Variants in TBC1D4 observed in about 807,000 individuals in gnomAD.
TBC1D4 encodes the protein TBC1 domain family member 4.
Under a neutral mutation model 142.5 loss-of-function variants are expected in TBC1D4, and 121 were observed. That is an observed-to-expected ratio of 0.85 (90% confidence interval 0.73 to 0.99). The LOEUF is 0.99. TBC1D4 is among the 50% of genes least tolerant of loss of function. The pLI is 0.00. For missense variants in TBC1D4, 1,475 were observed against 1,606.6 expected, an observed-to-expected ratio of 0.92 and a Z score of 1.40; for synonymous variants, 630 against 628.2, an observed-to-expected ratio of 1.00 and a Z score of -0.04.
chr13:75,459,396 C>T (rs1726733284), intron 1 of TBC1D4, among the ~76,000 whole-genome samples: 1 of 152,072 alleles, frequency 6.6e-6, no homozygotes, highest in South Asian at 2.1e-4. Context: ...TGTATGGCTC[C>T]CTCATAAATG....
intron 1 of TBC1D4, among the ~76,000 whole-genome samples, chr13:75,406,158 T>C (rs1236157091): frequency 6.6e-6 from 1 of 152,240 alleles, no homozygotes; most frequent in Non-Finnish European, 1.5e-5. Context: ...CTTTGTTTTT[T>C]AACAAGCTGA....
At chr13:75,460,668 C>A (rs1457097177) in intron 1 of TBC1D4, among the ~76,000 whole-genome samples, 1 of 152,118 alleles carries the variant, frequency 6.6e-6, no homozygotes, top group Non-Finnish European at 1.5e-5. Context: ...CGTCTGTAAT[C>A]CCAGCACTTT....
chr13:75,441,351 A>G (rs994471193), intron 1 of TBC1D4, among the ~76,000 whole-genome samples: 2 of 152,216 alleles, frequency 1.3e-5, no homozygotes, highest in African/African-American at 2.4e-5. Context: ...AATGTTTACA[A>G]TGTAAGCAGC....
At chr13:75,386,479 C>T (rs577142648) in intron 1 of TBC1D4, among the ~76,000 whole-genome samples, 3 of 149,276 alleles carry the variant, frequency 2.0e-5, no homozygotes, top group African/African-American at 7.5e-5. Context: ...AGCTCCGCCT[C>T]TTGGGTCCAC....
chr13:75,413,424 T>G (rs1033329958), intron 1 of TBC1D4, among the ~76,000 whole-genome samples: 3 of 152,206 alleles, frequency 2.0e-5, no homozygotes, highest in African/African-American at 7.2e-5. Context: ...TCTCCCAAAG[T>G]GCTGGGATTA....
intron 1 of TBC1D4, among the ~76,000 whole-genome samples, chr13:75,384,593 A>G (rs1390299572): frequency 6.6e-6 from 1 of 151,770 alleles, no homozygotes; most frequent in African/African-American, 2.4e-5. Context: ...AAAAAAAAAA[A>G]AGGTTGCCAC....
At chr13:75,352,185 T>G (rs58054899) in intron 4 of TBC1D4, among the ~76,000 whole-genome samples, 3,372 of 152,292 alleles carry the variant, frequency 0.022, 135 homozygotes, top group African/African-American at 0.077. Context: ...ACCTGCTATC[T>G]TCCCACTTTG....
At chr13:75,435,671 G>A (rs753858342) in intron 1 of TBC1D4, among the ~76,000 whole-genome samples, 6 of 152,176 alleles carry the variant, frequency 3.9e-5, no homozygotes, top group Non-Finnish European at 7.3e-5. Flanking sequence ...GTGTCCTGGT[G>A]TGGGTTTCTA....
At chr13:75,344,100 C>T (rs1241487850) in intron 5 of TBC1D4, among the ~76,000 whole-genome samples, 1 of 152,104 alleles carries the variant, frequency 6.6e-6, no homozygotes, top group African/African-American at 2.4e-5. Context: ...CCACCTGCCT[C>T]GGCCTCCCAA....
At chr13:75,323,114 T>C (rs1031265355) in intron 11 of TBC1D4, among the ~76,000 whole-genome samples, 6 of 152,148 alleles carry the variant, frequency 3.9e-5, no homozygotes, top group Admixed American at 2.6e-4. Flanking sequence ...GCTACCTAGT[T>C]ATATATTAAC....
At chr13:75,401,290 T>G (rs1328671119) in intron 1 of TBC1D4, among the ~76,000 whole-genome samples, 1 of 152,220 alleles carries the variant, frequency 6.6e-6, no homozygotes, top group African/African-American at 2.4e-5. Flanking sequence ...GAAGTCACAG[T>G]ATCTCCAAAC....
intron 14 of TBC1D4, among the ~76,000 whole-genome samples, chr13:75,307,495 T>C (rs776537098): frequency 6.6e-6 from 1 of 152,110 alleles, no homozygotes; most frequent in Non-Finnish European, 1.5e-5. Flanking sequence ...ATACTTCTTC[T>C]CTTCATTAGG....
chr13:75,461,187 T>G (rs188493496), intron 1 of TBC1D4, among the ~76,000 whole-genome samples: 8 of 152,334 alleles, frequency 5.3e-5, no homozygotes, highest in Admixed American at 1.3e-4. Flanking sequence ...CCACTGAATG[T>G]CTGCAAAGCA....
intron 1 of TBC1D4, among the ~76,000 whole-genome samples, chr13:75,451,763 A>T (rs4542543): frequency 0.63 from 94,435 of 148,834 alleles, 30,338 homozygotes; most frequent in East Asian, 0.94. Flanking sequence ...ATGTGTTATA[A>T]AAATATATTT....
chr13:75,475,605 G>T (rs1305086412), intron 1 of TBC1D4, among the ~76,000 whole-genome samples: 1 of 152,116 alleles, frequency 6.6e-6, no homozygotes, highest in Non-Finnish European at 1.5e-5. Context: ...TTTCTGACTT[G>T]ATTCTTTTAC....
chr13:75,365,200 AT>A (rs1882834651), intron 1 of TBC1D4, among the ~76,000 whole-genome samples: 2 of 152,192 alleles, frequency 1.3e-5, no homozygotes, highest in Admixed American at 1.3e-4. Context: ...ATCTTTAATA[AT>A]TTAAGATGCT....
rs571132187 is a variant in TBC1D4, at chr13:75,469,955, G to A, written c.498+11315C>T. 2.6e-5 allele frequency among the ~76,000 whole-genome samples: 4 copies of A among 152,244 alleles called. No individual in the cohort carries two copies. In the South Asian group the frequency reaches 8.3e-4, roughly 32 times the overall value. On this transcript the variant is annotated intron_variant, in intron 1 of 20. Transcript: ENST00000377636. ...GAAGAAAGTTTGGGTTCAGAGGAGA[G>A]GGCTGGGCTATAGTAACAAATGTGG... is the stretch of plus-strand genomic sequence containing the variant.
intron 1 of TBC1D4, among the ~76,000 whole-genome samples, chr13:75,419,633 A>G (rs1436755788): frequency 2.0e-5 from 3 of 152,192 alleles, no homozygotes; most frequent in Admixed American, 6.5e-5. Flanking sequence ...AAGGTTTATA[A>G]CAATTTACAT....
chr13:75,473,831 A>G (rs914305519), intron 1 of TBC1D4, among the ~76,000 whole-genome samples: 1 of 152,266 alleles, frequency 6.6e-6, no homozygotes, highest in African/African-American at 2.4e-5. Flanking sequence ...AATCACAGAT[A>G]TCAAAGACAT....
Sources: gnomAD v4.1 joint callset for allele counts (sites outside exome capture counted in the v4.1 genomes callset) on GRCh38, gnomAD v4.1.1 for gene constraint, MANE v1.5 for transcripts, NCBI Gene and HGNC (gene_info 2026-07-23, HGNC 2026-07-21) for gene names.